GMCL1: variants seen among roughly 807,000 people sequenced by gnomAD.
GMCL1 encodes germ cell-less protein-like 1.
In GMCL1, 54 loss-of-function variants were observed where a neutral mutation model predicts 75.5. The ratio of observed to expected loss-of-function variants is 0.71; its 90% CI spans 0.57 to 0.90. GMCL1 has a LOEUF of 0.90. Among genes scored for constraint, GMCL1 ranks in the 40% least tolerant of loss-of-function variants. The pLI is 0.00. For synonymous variants in GMCL1, 210 were observed against 209.6 expected (o/e 1.00, Z -0.02); for missense variants, 537 against 622.7 (o/e 0.86, Z 1.47).
At chr2:69,863,174 T>C (rs1185436114) in intron 10 of GMCL1, among the ~76,000 whole-genome samples, 1 of 152,174 alleles carries the variant, frequency 6.6e-6, no homozygotes, top group African/African-American at 2.4e-5. Context: ...AACCCACATA[T>C]ACGAAAAGTT....
At chr2:69,869,000 C>T (rs1312708587) in intron 11 of GMCL1, among the ~76,000 whole-genome samples, 1 of 151,544 alleles carries the variant, frequency 6.6e-6, no homozygotes, top group African/African-American at 2.4e-5. Flanking sequence ...ACTTTGTAGT[C>T]CCAGCACTTT....
intron 13 of GMCL1, among the ~76,000 whole-genome samples, chr2:69,874,308 A>G (rs1676063385): frequency 6.6e-6 from 1 of 152,010 alleles, no homozygotes; most frequent in East Asian, 1.9e-4. Flanking sequence ...ATTCTTTTTC[A>G]TCTCTATCCC....
intron 8 of GMCL1, 56 bp downstream of exon 8, chr2:69,849,798 G>T: frequency 3.0e-6 from 3 of 1,015,054 alleles, no homozygotes; most frequent in Non-Finnish European, 2.9e-6. Context: ...TTAAAATCAG[G>T]CCCCATGAGA....
chr2:69,852,484 T>C (rs1051830390), intron 8 of GMCL1, among the ~76,000 whole-genome samples: 1 of 139,090 alleles, frequency 7.2e-6, no homozygotes, highest in Non-Finnish European at 1.5e-5. Flanking sequence ...ACTTAGGAAA[T>C]AGGATAGAAA....
intron 6 of GMCL1, 81 bp downstream of exon 6, chr2:69,844,277 A>G: frequency 1.3e-6 from 1 of 758,930 alleles, no homozygotes; most frequent in Non-Finnish European, 2.2e-6. Context: ...ACATTTTTGT[A>G]GAACACAAAA....
intron 1 of GMCL1, among the ~76,000 whole-genome samples, chr2:69,834,183 C>T (rs958341391): frequency 2.6e-5 from 4 of 152,070 alleles, no homozygotes; most frequent in African/African-American, 9.7e-5. Context: ...TAACAATATT[C>T]CTTCATCATG....
chr2:69,838,289 A>T (rs926435443), intron 2 of GMCL1, among the ~76,000 whole-genome samples: 1 of 134,682 alleles, frequency 7.4e-6, no homozygotes, highest in African/African-American at 2.8e-5. Context: ...GTGAGCTGAG[A>T]TCGTACCACT....
At chr2:69,874,544 T>C (rs1270862092) in intron 13 of GMCL1, among the ~76,000 whole-genome samples, 22 of 150,644 alleles carry the variant, frequency 1.5e-4, no homozygotes, top group Admixed American at 1.5e-3. Flanking sequence ...CCACCGCGCC[T>C]GGCCCTTAAT....
chr2:69,870,268 T>TA (rs1443273433), intron 12 of GMCL1, among the ~76,000 whole-genome samples: 1 of 151,882 alleles, frequency 6.6e-6, no homozygotes, highest in East Asian at 1.9e-4. Context: ...TCTGAGAGGA[T>TA]ACCAGAAGCT....
At chr2:69,832,046 C>T (rs1558534791) in intron 1 of GMCL1, among the ~76,000 whole-genome samples, 1 of 152,146 alleles carries the variant, frequency 6.6e-6, no homozygotes, top group Non-Finnish European at 1.5e-5. Flanking sequence ...CATGGCGAAA[C>T]CCTGTCTCTA....
chr2:69,863,213 C>G (rs754404382), intron 10 of GMCL1, among the ~76,000 whole-genome samples: 2 of 152,158 alleles, frequency 1.3e-5, no homozygotes, highest in Non-Finnish European at 2.9e-5. Context: ...ATTTCACATC[C>G]TACAAATACT....
intron 8 of GMCL1, among the ~76,000 whole-genome samples, chr2:69,853,927 A>G (rs1675390944): frequency 6.6e-6 from 1 of 151,402 alleles, no homozygotes; most frequent in African/African-American, 2.4e-5. Context: ...TCAGCCTCCC[A>G]GTTAGCTGGG....
In GMCL1 at chr2:69,837,597, A is replaced by G; in HGVS notation, c.311A>G (p.Asn104Ser). 1.2e-6 allele frequency: 2 copies of G among 1,603,596 alleles called. No homozygotes were observed. The highest frequency in any genetic ancestry group is 2.7e-5 in the African/African-American group (2 of 74,516). ...SKYIYQTLFL[N>S]GENSDIKICA... ...TATATTTATCAAACATTATTTTTGAATGGTGAAAACAGTGACATTAAGATT... is the reference window on the plus strand; with the variant it reads ...TATATTTATCAAACATTATTTTTGAGTGGTGAAAACAGTGACATTAAGATT... The change falls in exon 2 of 14, where the codon AAT becomes AGT. Residue 104 changes from asparagine (N) to serine (S), a missense_variant. Physicochemically the swap from Asn to Ser is conservative, Grantham distance 46. Transcript: ENST00000282570.
At chr2:69,836,903 T>A (rs1464748296) in intron 1 of GMCL1, among the ~76,000 whole-genome samples, 1 of 151,876 alleles carries the variant, frequency 6.6e-6, no homozygotes, top group Non-Finnish European at 1.5e-5. Flanking sequence ...CCCTAAGACT[T>A]CTCCTTTGAG....
At chr2:69,857,948 A>G (rs1405047746) in intron 9 of GMCL1, among the ~76,000 whole-genome samples, 1 of 152,190 alleles carries the variant, frequency 6.6e-6, no homozygotes, top group Non-Finnish European at 1.5e-5. Flanking sequence ...TTGTGAATGT[A>G]AGACATGAGA....
At position 69,830,054 on chromosome 2, in the gene GMCL1, G is replaced by C. The variant is rs956678878; in HGVS notation, c.162G>C (p.Arg54=). 1 of 1,567,538 alleles carries C rather than the reference G, an allele frequency of 6.4e-7. No homozygotes were observed. Among genetic ancestry groups the C allele is most frequent in the South Asian group, 1.2e-5 (1 of 85,694 alleles). Residue 54 remains arginine, a synonymous_variant, in exon 1 of 14, where the codon CGG becomes CGC. Coordinates refer to ENST00000282570, the MANE Select transcript of GMCL1 (RefSeq NM_178439.5). ...GTGCGGGCAGCCACAAGCGCAAGCG[G>C]AGCAGCGGGTCCTTCTGCTACTGTC... is the stretch of plus-strand genomic sequence containing the variant. ...CYCAGSHKRK[R]SSGSFCYCHP...
intron 13 of GMCL1, 47 bp downstream of exon 13, chr2:69,871,879 G>T: frequency 8.4e-7 from 1 of 1,189,942 alleles, no homozygotes; most frequent in Non-Finnish European, 1.2e-6. Flanking sequence ...TTTGTCTTTT[G>T]AATCCTCTTT....
intron 9 of GMCL1, among the ~76,000 whole-genome samples, chr2:69,855,184 A>G (rs375315767): frequency 6.6e-6 from 1 of 152,248 alleles, no homozygotes; most frequent in African/African-American, 2.4e-5. Context: ...GAATATTTAA[A>G]TGATTATCTA....
intron 13 of GMCL1, among the ~76,000 whole-genome samples, chr2:69,872,299 C>T (rs1252626073): frequency 6.6e-6 from 1 of 152,086 alleles, no homozygotes; most frequent in Non-Finnish European, 1.5e-5. Flanking sequence ...GCAATGTTCC[C>T]CAGATTATCT....
Sources: allele counts gnomAD v4.1 joint callset (sites outside exome capture counted in the v4.1 genomes callset), GRCh38; gene constraint gnomAD v4.1.1; transcripts MANE v1.5; gene names NCBI Gene and HGNC (gene_info 2026-07-23, HGNC 2026-07-21).